Variants in ARFGEF1 observed in about 807,000 individuals in gnomAD.
ARFGEF1 encodes the protein brefeldin A-inhibited guanine nucleotide-exchange protein 1.
Under a neutral mutation model 231.0 loss-of-function variants are expected in ARFGEF1, and 42 were observed. The observed-to-expected ratio is 0.18, with a 90% confidence interval of 0.14 to 0.24. ARFGEF1 has a LOEUF of 0.24. ARFGEF1 is among the 10% of genes least tolerant of loss of function. ARFGEF1 has a pLI of 1.00. For missense variants in ARFGEF1, 1,345 were observed against 2,192.0 expected (o/e 0.61, Z 7.72); for synonymous variants, 710 against 732.3 (o/e 0.97, Z 0.49).
intron 14 of ARFGEF1, among the ~76,000 whole-genome samples, chr8:67,263,482 G>A (rs896850293): frequency 2.0e-5 from 3 of 152,236 alleles, no homozygotes; most frequent in South Asian, 2.1e-4. Context: ...TTTACATGGA[G>A]AATAAGGCCT....
intron 19 of ARFGEF1, among the ~76,000 whole-genome samples, chr8:67,249,672 G>A (rs1358239866): frequency 7.2e-6 from 1 of 138,528 alleles, no homozygotes; most frequent in South Asian, 2.2e-4. Flanking sequence ...GCCCAGGCTA[G>A]AGTGCAGTGG....
chr8:67,302,322 A>G (rs1806530001), intron 2 of ARFGEF1, 114 bp downstream of exon 2: 2 of 592,938 alleles, frequency 3.4e-6, no homozygotes, highest in Non-Finnish European at 5.4e-6. Flanking sequence ...TGATTTTACT[A>G]TAAAACTCAC....
intron 1 of ARFGEF1, among the ~76,000 whole-genome samples, chr8:67,342,447 T>A (rs1256467658): frequency 2.0e-5 from 3 of 152,186 alleles, no homozygotes; most frequent in African/African-American, 7.2e-5. Flanking sequence ...TTCATTTTCC[T>A]CATTTCAAAC....
chr8:67,262,514 T>C (rs1003461896), intron 14 of ARFGEF1, among the ~76,000 whole-genome samples: 3 of 152,210 alleles, frequency 2.0e-5, no homozygotes, highest in Non-Finnish European at 4.4e-5. Context: ...TGCAGCAAAG[T>C]TTGAGACGAC....
chr8:67,326,600 C>T (rs1807844993), intron 1 of ARFGEF1, among the ~76,000 whole-genome samples: 1 of 152,136 alleles, frequency 6.6e-6, no homozygotes, highest in Non-Finnish European at 1.5e-5. Context: ...CTCAAAAATA[C>T]TTTTTATTTC....
intron 33 of ARFGEF1, among the ~76,000 whole-genome samples, chr8:67,214,361 G>A (rs1341247969): frequency 1.3e-5 from 2 of 152,214 alleles, no homozygotes; most frequent in Non-Finnish European, 2.9e-5. Context: ...ATATGTAGTT[G>A]AGATTTCCAA....
chr8:67,343,078 G>C (rs376947163), intron 1 of ARFGEF1, 86 bp downstream of exon 1: 12 of 1,381,538 alleles, frequency 8.7e-6, no homozygotes, highest in African/African-American at 7.2e-5. Flanking sequence ...CCTCGGGCAA[G>C]CCCCGGGCGA....
At chr8:67,250,230 G>C (rs1840236927) in intron 19 of ARFGEF1, among the ~76,000 whole-genome samples, 1 of 152,162 alleles carries the variant, frequency 6.6e-6, no homozygotes, top group African/African-American at 2.4e-5. Context: ...ATTTTAAAAA[G>C]ATCACTCCGG....
At chr8:67,238,280 C>T (rs567718427) in intron 22 of ARFGEF1, 63 bp downstream of exon 22, 5 of 1,449,978 alleles carry the variant, frequency 3.4e-6, no homozygotes, top group African/African-American at 2.9e-5. Flanking sequence ...TTCATTACTA[C>T]AATAAAGTGA....
chr8:67,275,115 A>AT (rs890286729), intron 9 of ARFGEF1, among the ~76,000 whole-genome samples: 8 of 152,060 alleles, frequency 5.3e-5, no homozygotes, highest in African/African-American at 1.7e-4. Flanking sequence ...ACTCTATAGA[A>AT]TTTTTTTAAA....
chr8:67,212,946 TA>T (rs1587052864), intron 33 of ARFGEF1, among the ~76,000 whole-genome samples: 1 of 152,228 alleles, frequency 6.6e-6, no homozygotes, highest in Non-Finnish European at 1.5e-5. Flanking sequence ...ATTAGGGATT[TA>T]AAAACCTTGC....
intron 15 of ARFGEF1, 83 bp from the exon 16 acceptor site, chr8:67,258,373 T>C (rs1840528683): frequency 2.1e-6 from 2 of 952,532 alleles, no homozygotes. Flanking sequence ...TTGCCCAGGC[T>C]GGGGTGCAGT....
At position 67,296,478 on chromosome 8, in the gene ARFGEF1, G is replaced by C. The variant is rs1270478481; in HGVS notation, c.592C>G (p.Leu198Val). The C allele has an allele frequency of 6.2e-7, 1 of 1,613,976 alleles. No individual in the cohort carries two copies. The highest frequency in any genetic ancestry group is 8.5e-7 in the Non-Finnish European group (1 of 1,179,952). Residue 198 changes from leucine (L) to valine (V), a missense_variant, in exon 5 of 39, where the codon CTC (leucine) becomes GTC (valine). By Grantham distance (32) the Leu-to-Val change is conservative. Transcript: ENST00000262215. ...LINQTTAKAT[L>V]TQMLNVIFAR... Reference sequence around the variant, plus strand: ...AAGATAACATTTAGCATCTGAGTGAGAGTAGCTTTGGCTGTTGTCTGATTG... The same window carrying C: ...AAGATAACATTTAGCATCTGAGTGACAGTAGCTTTGGCTGTTGTCTGATTG...
chr8:67,328,488 G>A (rs1018124589), intron 1 of ARFGEF1, among the ~76,000 whole-genome samples: 2 of 152,106 alleles, frequency 1.3e-5, no homozygotes, highest in African/African-American at 2.4e-5. Flanking sequence ...TGTTTTGCCA[G>A]CAATTTCTAG....
Position 67,291,943 on chromosome 8 carries a change from T to C in ARFGEF1, c.820A>G (p.Lys274Glu). 2 of 1,614,018 alleles carry C rather than the reference T, an allele frequency of 1.2e-6. No individual in the cohort carries two copies. The highest frequency in any genetic ancestry group is 1.7e-6 in the Non-Finnish European group (2 of 1,179,922). Residue 274 changes from lysine to glutamate, a missense_variant, in exon 6 of 39, where the codon AAA (lysine) becomes GAA (glutamate). Transcript: ENST00000262215. ...DLDLHTNDVDKSLQDDTEPEN... is the reference protein window; with the variant it reads ...DLDLHTNDVDESLQDDTEPEN... ...GGCTCTGTGTCATCCTGAAGACTTTTATCTACATCATTTGTATGGAGGTCA... is the reference window on the plus strand; with the variant it reads ...GGCTCTGTGTCATCCTGAAGACTTTCATCTACATCATTTGTATGGAGGTCA...
chr8:67,203,049 A>G (rs1003832548), intron 36 of ARFGEF1, 34 bp downstream of exon 36: 11 of 1,591,810 alleles, frequency 6.9e-6, no homozygotes, highest in African/African-American at 4.0e-5. Flanking sequence ...ATCCATCAAC[A>G]GTAAACATTA....
At chr8:67,281,658 G>A (rs1468941743) in intron 7 of ARFGEF1, among the ~76,000 whole-genome samples, 1 of 151,802 alleles carries the variant, frequency 6.6e-6, no homozygotes, top group Non-Finnish European at 1.5e-5. Flanking sequence ...AAGAGACAAA[G>A]ATAAAAATAT....
intron 1 of ARFGEF1, among the ~76,000 whole-genome samples, chr8:67,338,948 T>C (rs1023809693): frequency 3.9e-5 from 6 of 152,136 alleles, no homozygotes; most frequent in African/African-American, 1.4e-4. Flanking sequence ...AAAAGTAGCA[T>C]AAAACCAGGG....
intron 9 of ARFGEF1, among the ~76,000 whole-genome samples, chr8:67,275,462 T>C (rs1805274327): frequency 6.6e-6 from 1 of 152,098 alleles, no homozygotes; most frequent in South Asian, 2.1e-4. Flanking sequence ...GGGCATTTTG[T>C]CAGACCTTAA....
Sources: allele counts gnomAD v4.1 joint callset (sites outside exome capture counted in the v4.1 genomes callset), GRCh38; gene constraint gnomAD v4.1.1; transcripts MANE v1.5; gene names NCBI Gene and HGNC (gene_info 2026-07-23, HGNC 2026-07-21).